The following RIMS2 variants were observed in gnomAD, a reference collection of about 807,000 sequenced individuals.
RIMS2 encodes regulating synaptic membrane exocytosis 2, also known as regulating synaptic membrane exocytosis protein 2.
A neutral mutation model predicts 174.4 loss-of-function variants in RIMS2; 59 were observed. The ratio of observed to expected loss-of-function variants is 0.34; its 90% CI spans 0.27 to 0.42. The LOEUF (loss-of-function observed/expected upper bound fraction) is 0.42, where lower values mean the gene tolerates loss of function less well. Among genes scored for constraint, RIMS2 ranks in the 10% least tolerant of loss-of-function variants. The pLI is 1.00. For missense variants in RIMS2, 1,620 were observed against 1,666.3 expected, an observed-to-expected ratio of 0.97 and a Z score of 0.48; for synonymous variants, 606 against 572.5, an observed-to-expected ratio of 1.06 and a Z score of -0.84.
At chr8:103,989,259 G>A in intron 16 of RIMS2, 46 bp from the exon 19 acceptor site, 1 of 1,112,936 alleles carries the variant, frequency 9.0e-7, no homozygotes, top group Non-Finnish European at 1.4e-6. Flanking sequence ...GTTTCTTAGT[G>A]TTTCAAATGG....
intron 19 of RIMS2, among the ~76,000 whole-genome samples, chr8:104,182,604 T>C (rs2098946307): frequency 6.6e-6 from 1 of 151,808 alleles, no homozygotes; most frequent in Non-Finnish European, 1.5e-5. Flanking sequence ...TAGCTTTCCC[T>C]ATTCTGGGCT....
intron 1 of RIMS2, among the ~76,000 whole-genome samples, chr8:103,595,831 T>G (rs1239067695): frequency 6.6e-6 from 1 of 151,966 alleles, no homozygotes; most frequent in African/African-American, 2.4e-5. Flanking sequence ...AATGAGGACT[T>G]CCTCTTCGAT....
At chr8:103,731,337 G>T (rs1047061140) in intron 2 of RIMS2, among the ~76,000 whole-genome samples, 1 of 152,172 alleles carries the variant, frequency 6.6e-6, no homozygotes, top group Admixed American at 6.6e-5. Flanking sequence ...TATTGGAGCT[G>T]CATTCTATAT....
At chr8:103,969,257 A>G (rs1398517330) in intron 15 of RIMS2, among the ~76,000 whole-genome samples, 2 of 151,848 alleles carry the variant, frequency 1.3e-5, no homozygotes, top group Admixed American at 1.3e-4. Flanking sequence ...GAAATTTTCA[A>G]TCATTATTCT....
chr8:103,934,542 C>A (rs1422741981), intron 12 of RIMS2, among the ~76,000 whole-genome samples: 1 of 152,078 alleles, frequency 6.6e-6, no homozygotes, highest in Non-Finnish European at 1.5e-5. Context: ...TCATATATAA[C>A]TTATAAGAAA....
chr8:103,930,057 C>T (rs2154531448), intron 11 of RIMS2, among the ~76,000 whole-genome samples: 1 of 151,968 alleles, frequency 6.6e-6, no homozygotes. Flanking sequence ...TTATTAATCA[C>T]AATTTGAGAA....
chr8:104,115,978 A>C (rs1160747922), intron 19 of RIMS2, among the ~76,000 whole-genome samples: 1 of 152,208 alleles, frequency 6.6e-6, no homozygotes, highest in Non-Finnish European at 1.5e-5. Context: ...CAGCTACAGT[A>C]GTAATTGTTG....
chr8:104,000,224 C>T (rs2095324317), intron 17 of RIMS2, among the ~76,000 whole-genome samples: 1 of 151,598 alleles, frequency 6.6e-6, no homozygotes, highest in Non-Finnish European at 1.5e-5. Flanking sequence ...CCTTCCCAGT[C>T]TTTGGTAACT....
At chr8:104,146,075 C>G (rs1487455586) in intron 19 of RIMS2, among the ~76,000 whole-genome samples, 4 of 150,990 alleles carry the variant, frequency 2.6e-5, no homozygotes, top group Admixed American at 2.0e-4. Flanking sequence ...TTTTAATAAC[C>G]CCTTTTGGGC....
chr8:104,011,219 T>C (rs779315795), intron 17 of RIMS2, among the ~76,000 whole-genome samples: 3 of 152,124 alleles, frequency 2.0e-5, no homozygotes, highest in Non-Finnish European at 2.9e-5. Flanking sequence ...CCTTCTCTTA[T>C]GTGCTGTCAA....
chr8:103,516,739 G>A (rs1829179583), intron 1 of RIMS2, among the ~76,000 whole-genome samples: 1 of 152,138 alleles, frequency 6.6e-6, no homozygotes, highest in South Asian at 2.1e-4. Context: ...GTGTATATTA[G>A]ACAAAGAACT....
intron 4 of RIMS2, among the ~76,000 whole-genome samples, chr8:103,901,839 T>G (rs923340213): frequency 2.6e-5 from 4 of 152,218 alleles, no homozygotes; most frequent in Admixed American, 6.5e-5. Context: ...AGACTTGGTC[T>G]AAGCACATGG....
chr8:103,873,045 G>C (rs369006387), intron 3 of RIMS2, among the ~76,000 whole-genome samples: 1 of 152,134 alleles, frequency 6.6e-6, no homozygotes, highest in Admixed American at 6.6e-5. Flanking sequence ...AAATCATGAA[G>C]TTCTGGGTGC....
chr8:103,702,756 C>G (rs1158227368), intron 2 of RIMS2, among the ~76,000 whole-genome samples: 1 of 151,552 alleles, frequency 6.6e-6, no homozygotes, highest in Non-Finnish European at 1.5e-5. Flanking sequence ...GTTCTTTTCC[C>G]TGGGTCTATG....
At chr8:103,563,412 G>A (rs748777308) in intron 1 of RIMS2, among the ~76,000 whole-genome samples, 7 of 152,058 alleles carry the variant, frequency 4.6e-5, no homozygotes, top group African/African-American at 7.2e-5. Context: ...AAAATGCTGC[G>A]TCTCTTTGCT....
intron 18 of RIMS2, 72 bp downstream of exon 20, chr8:104,013,693 A>G (rs1378649734): frequency 7.9e-7 from 1 of 1,266,888 alleles, no homozygotes; most frequent in Non-Finnish European, 1.1e-6. Context: ...CCCAACAGTT[A>G]ACTGGTCTCT....
upstream of RIMS2, chr8:103,500,745 G>C (rs903114341): frequency 1.8e-6 from 1 of 540,714 alleles, no homozygotes; most frequent in African/African-American, 2.0e-5. Context: ...TTGGGGGAGG[G>C]GGGCTGTCGC....
At chr8:103,683,338 T>A (rs1230704196) in intron 1 of RIMS2, among the ~76,000 whole-genome samples, 1 of 152,024 alleles carries the variant, frequency 6.6e-6, no homozygotes, top group African/African-American at 2.4e-5. Context: ...GAGAGTAAAA[T>A]GAATAAAGCC....
At chr8:104,175,519 T>G (rs535724495) in intron 19 of RIMS2, among the ~76,000 whole-genome samples, 1 of 152,310 alleles carries the variant, frequency 6.6e-6, no homozygotes, top group Non-Finnish European at 1.5e-5. Context: ...CACTCTGTTG[T>G]GCTAGCAAAT....
Sources: allele counts gnomAD v4.1 joint callset (sites outside exome capture counted in the v4.1 genomes callset), GRCh38; gene constraint gnomAD v4.1.1; transcripts MANE v1.5; gene names NCBI Gene and HGNC (gene_info 2026-07-23, HGNC 2026-07-21).